COL24A1: variants seen among roughly 807,000 people sequenced by gnomAD.
The protein encoded by COL24A1 is collagen alpha-1(XXIV) chain.
In COL24A1, 224 loss-of-function variants were observed where a neutral mutation model predicts 253.9. The ratio of observed to expected loss-of-function variants is 0.88; its 90% CI spans 0.79 to 0.99. COL24A1 has a LOEUF of 0.99. Ranked by LOEUF, COL24A1 falls within the 50% of genes least tolerant of loss-of-function variation. The probability of loss-of-function intolerance (pLI) is 0.00; values close to 1 mark genes in which losing one functional copy is unlikely to be tolerated. For synonymous variants in COL24A1, 685 were observed against 673.7 expected (o/e 1.02, Z -0.26); for missense variants, 2,131 against 2,068.5 (o/e 1.03, Z -0.59).
intron 19 of COL24A1, among the ~76,000 whole-genome samples, chr1:85,988,914 T>A (rs1348960316): frequency 6.6e-6 from 1 of 152,168 alleles, no homozygotes; most frequent in Non-Finnish European, 1.5e-5. Context: ...AACAGAAAGA[T>A]GATCACAAGA....
chr1:85,794,977 T>A (rs1433313220), intron 47 of COL24A1, among the ~76,000 whole-genome samples: 2 of 152,142 alleles, frequency 1.3e-5, no homozygotes, highest in East Asian at 3.8e-4. Context: ...ACCCATGGCT[T>A]CCTAAGCCTT....
chr1:86,021,985 A>G (rs1002196507), intron 18 of COL24A1, among the ~76,000 whole-genome samples: 3 of 152,232 alleles, frequency 2.0e-5, no homozygotes, highest in Admixed American at 2.0e-4. Flanking sequence ...TGTCTATATT[A>G]AATTATTCAG....
chr1:85,739,969 C>T (rs1464784292), intron 57 of COL24A1, among the ~76,000 whole-genome samples: 2 of 152,150 alleles, frequency 1.3e-5, no homozygotes, highest in African/African-American at 4.8e-5. Context: ...TCATCGGGAC[C>T]TACTATCACT....
chr1:86,143,930 T>C (rs529570122), intron 2 of COL24A1, among the ~76,000 whole-genome samples: 7 of 152,158 alleles, frequency 4.6e-5, no homozygotes, highest in Non-Finnish European at 7.4e-5. Context: ...TCTGTGATCA[T>C]ATAAAAACAC....
At chr1:85,792,487 G>C (rs1234795302) in intron 47 of COL24A1, among the ~76,000 whole-genome samples, 1 of 145,948 alleles carries the variant, frequency 6.9e-6, no homozygotes, top group Non-Finnish European at 1.5e-5. Context: ...CCAGGAGTTT[G>C]AGACCAGTCT....
intron 24 of COL24A1, among the ~76,000 whole-genome samples, chr1:85,920,044 A>G (rs1024727545): frequency 2.0e-5 from 3 of 152,214 alleles, no homozygotes; most frequent in Admixed American, 1.3e-4. Flanking sequence ...AAAATTAAGC[A>G]TATTTATTTG....
chr1:85,838,596 C>G lies in COL24A1; in HGVS notation c.3670G>C (p.Glu1224Gln), dbSNP rs751996169. The G allele has an allele frequency of 9.3e-6, 15 of 1,613,694 alleles. No individual in the cohort carries two copies. The highest frequency in any genetic ancestry group is 1.2e-5 in the Non-Finnish European group (14 of 1,179,714). ...TAACTTGCAATTACCTTATATCCCTCTGCTCCAGGCTCTCCTCTCTCTCCT... is the reference window on the plus strand; with the variant it reads ...TAACTTGCAATTACCTTATATCCCTGTGCTCCAGGCTCTCCTCTCTCTCCT... ...DQGERGEPGA[E>Q]GYKGHVGVPG... The change falls in exon 43 of 60, where the codon GAG (glutamate) becomes CAG (glutamine). Residue 1224 changes from glutamate (E) to glutamine (Q), a missense_variant. Physicochemically the swap from Glu to Gln is conservative, Grantham distance 29 (BLOSUM62 2). Transcript: ENST00000370571.
chr1:86,119,877 C>T (rs1245928547), intron 3 of COL24A1, among the ~76,000 whole-genome samples: 2 of 152,130 alleles, frequency 1.3e-5, no homozygotes, highest in Non-Finnish European at 2.9e-5. Context: ...CATCACGCTA[C>T]CTGACTTCAA....
intron 5 of COL24A1, among the ~76,000 whole-genome samples, chr1:86,099,338 A>C (rs1191623039): frequency 6.6e-6 from 1 of 152,178 alleles, no homozygotes; most frequent in Non-Finnish European, 1.5e-5. Context: ...CTTAAGCTGG[A>C]AAATGAAGAA....
At chr1:85,761,352 C>T (rs1293259474) in intron 55 of COL24A1, 44 bp downstream of exon 55, 2 of 1,604,948 alleles carry the variant, frequency 1.2e-6, no homozygotes, top group Non-Finnish European at 8.5e-7. Context: ...GTTAATATGA[C>T]ATACTAAGAT....
intron 53 of COL24A1, among the ~76,000 whole-genome samples, chr1:85,763,386 C>T (rs1233839087): frequency 6.6e-6 from 1 of 151,860 alleles, no homozygotes; most frequent in African/African-American, 2.4e-5. Context: ...CCACTGCACT[C>T]CAGCCTGGGT....
chr1:86,088,378 C>A (rs112793592), intron 7 of COL24A1, among the ~76,000 whole-genome samples: 19 of 152,094 alleles, frequency 1.2e-4, no homozygotes, highest in African/African-American at 4.6e-4. Flanking sequence ...TCAAATACTG[C>A]CCTACAATAT....
chr1:85,799,614 A>G (rs995493017), intron 47 of COL24A1, among the ~76,000 whole-genome samples: 8 of 152,214 alleles, frequency 5.3e-5, no homozygotes, highest in Admixed American at 5.2e-4. Flanking sequence ...ATAAAGCACT[A>G]TAATTCTAAT....
intron 24 of COL24A1, among the ~76,000 whole-genome samples, chr1:85,923,623 G>A (rs1162193793): frequency 6.6e-6 from 1 of 152,152 alleles, no homozygotes; most frequent in East Asian, 1.9e-4. Flanking sequence ...TGAAACCAAT[G>A]AGAACAAAGA....
At chr1:85,778,095 T>C (rs1668771187) in intron 52 of COL24A1, among the ~76,000 whole-genome samples, 1 of 151,468 alleles carries the variant, frequency 6.6e-6, no homozygotes, top group African/African-American at 2.4e-5. Flanking sequence ...CATACACGTA[T>C]CCATAGCAAC....
rs185690155 is a variant in COL24A1 at position 85,889,491 on chromosome 1, A to C, written c.2976+69T>G. The stretch of plus-strand genomic sequence containing the variant: ...AAACATACCAGTCACAGCACAGCAG[A>C]GCAATAATGGAAATGTAAATGTATT... On this transcript the variant is annotated intron_variant, in intron 32 of 59. Transcript: ENST00000370571. 2.3e-6 allele frequency: 3 copies of C among 1,308,216 alleles called. No homozygotes were observed. The African/African-American group carries it at 4.4e-5, about 19-fold the overall frequency. 81.0% of individuals were successfully genotyped at this position (1,308,216 alleles called of 1,614,324 possible).
chr1:85,850,904 T>A (rs1677685605), intron 37 of COL24A1, among the ~76,000 whole-genome samples: 1 of 151,944 alleles, frequency 6.6e-6, no homozygotes, highest in African/African-American at 2.4e-5. Flanking sequence ...TTTAAGTACA[T>A]GTAAAGATGT....
intron 37 of COL24A1, among the ~76,000 whole-genome samples, chr1:85,862,848 T>G (rs1212449749): frequency 6.6e-6 from 1 of 152,246 alleles, no homozygotes; most frequent in Admixed American, 6.5e-5. Context: ...AACACTTCTG[T>G]GAAGAAAGTC....
chr1:85,806,814 G>A (rs757549413), intron 47 of COL24A1, among the ~76,000 whole-genome samples: 3 of 152,188 alleles, frequency 2.0e-5, no homozygotes, highest in South Asian at 2.1e-4. Flanking sequence ...GACCCAGCAG[G>A]CTCCTTTACT....
Sources: gnomAD v4.1 joint callset for allele counts (sites outside exome capture counted in the v4.1 genomes callset) on GRCh38, gnomAD v4.1.1 for gene constraint, MANE v1.5 for transcripts, NCBI Gene and HGNC (gene_info 2026-07-23, HGNC 2026-07-21) for gene names.